COMT: variants seen among roughly 807,000 people sequenced by gnomAD.
COMT encodes catechol O-methyltransferase.
A neutral mutation model predicts 18.9 loss-of-function variants in COMT; 13 were observed. That is an observed-to-expected ratio of 0.69 (90% confidence interval 0.45 to 1.09). The LOEUF (loss-of-function observed/expected upper bound fraction) is 1.09. COMT is among the 50% of genes least tolerant of loss of function. The probability of loss-of-function intolerance (pLI) is 0.00; values close to 1 mark genes in which losing one functional copy is unlikely to be tolerated. For synonymous variants in COMT, 150 were observed against 160.9 expected (o/e 0.93, Z 0.51); for missense variants, 329 against 361.8 (o/e 0.91, Z 0.73).
At chr22:19,956,137 C>CTTTTTTTTTTTTTTTTTTT (rs71186638) in intron 1 of COMT, among the ~76,000 whole-genome samples, 11 of 84,822 alleles carry the variant, frequency 1.3e-4, no homozygotes, top group Admixed American at 1.8e-4. Flanking sequence ...TTCTTTTTTT[C>CTTTTTTTTTTTTTTTTTTT]TTTTTTTTTT....
Position 19,955,821 on chromosome 22 carries a change from C to T in COMT, c.-91-5378C>T, listed in dbSNP as rs191426199. On this transcript the variant is annotated intron_variant, in intron 1 of 5. Coordinates refer to ENST00000361682, the MANE Select transcript of COMT (RefSeq NM_000754.4). ...TGCCCCAAATGGCCAGTGGCCTTTC[C>T]GAGGGTCACTGCAGCCGCATGTTGG... is the stretch of plus-strand genomic sequence containing the variant. 1.8e-3 allele frequency among the ~76,000 whole-genome samples: 281 copies of T among 152,350 alleles called. 2 individuals carry two copies. Among genetic ancestry groups the T allele is most frequent in the Non-Finnish European group, 1.0e-3 (68 of 68,032 alleles).
At chr22:19,958,780 A>G (rs909929005) in intron 1 of COMT, among the ~76,000 whole-genome samples, 1 of 149,832 alleles carries the variant, frequency 6.7e-6, no homozygotes, top group African/African-American at 2.5e-5. Flanking sequence ...CGTCCCAGCT[A>G]CTTGGGGGGG....
intron 1 of COMT, among the ~76,000 whole-genome samples, chr22:19,957,235 C>CT (rs1180233141): frequency 7.9e-5 from 12 of 152,284 alleles, no homozygotes; most frequent in African/African-American, 2.9e-4. Context: ...CAGGCATGAG[C>CT]CACCGCGCCC....
Position 19,941,890 on chromosome 22 carries a change from C to A in COMT, c.-99C>A. 7.4e-7 allele frequency: 1 copy of A among 1,347,196 alleles called. No homozygotes were observed. The highest frequency in any genetic ancestry group is 9.6e-7 in the Non-Finnish European group (1 of 1,045,972). 83.5% of individuals were successfully genotyped at this position (1,347,196 alleles called of 1,614,324 possible). On this transcript the variant is annotated 5_prime_UTR_variant, in exon 1 of 6. Transcript: ENST00000361682. ...GGGTCCAGTCCCGGGCGGGCCGTCG[C>A]GGGAGAGGTGAGAGCGCTGGCTAGA...
Position 19,963,590 on chromosome 22 carries a change from AGGAGCACCAGCCCTCCGTGCTGCT to A in COMT, c.320_343del (p.His107_Glu114del). 6.2e-7 allele frequency: 1 copy of A among 1,612,776 alleles called. No homozygotes were observed. The highest frequency in any genetic ancestry group is 8.5e-7 in the Non-Finnish European group (1 of 1,180,006). On this transcript the variant is annotated inframe_deletion, in exon 4 of 6. Coordinates refer to ENST00000361682, the MANE Select transcript of COMT (RefSeq NM_000754.4). ...GGCAAGATCGTGGACGCCGTGATTC[AGGAGCACCAGCCCTCCGTGCTGCT>A]GGAGCTGGGGGCCTACTGTGGCTAC...
intron 2 of COMT, chr22:19,961,837 T>A (rs1052825722): frequency 6.5e-6 from 1 of 152,724 alleles, no homozygotes; most frequent in African/African-American, 2.4e-5. Context: ...TCAAACAGGT[T>A]TCAAGTGGGG....
intron 1 of COMT, among the ~76,000 whole-genome samples, chr22:19,947,515 C>T (rs950582521): frequency 6.6e-6 from 1 of 152,158 alleles, no homozygotes; most frequent in African/African-American, 2.4e-5. Context: ...GTCACGTGTC[C>T]ACTGGACGGG....
At chr22:19,944,552 C>T (rs919837918) in intron 1 of COMT, among the ~76,000 whole-genome samples, 17 of 146,992 alleles carry the variant, frequency 1.2e-4, no homozygotes, top group African/African-American at 4.1e-4. Context: ...AGGCCGGGAG[C>T]GGTGGCTCAC....
At chr22:19,950,261 T>TTG (rs1941907219) in intron 1 of COMT, among the ~76,000 whole-genome samples, 3 of 132,722 alleles carry the variant, frequency 2.3e-5, no homozygotes, top group Non-Finnish European at 3.3e-5. Context: ...TTTTTTTTTT[T>TTG]TTCTGTAGAG....
chr22:19,946,891 T>TA (rs1010232812), intron 1 of COMT, among the ~76,000 whole-genome samples: 42 of 149,148 alleles, frequency 2.8e-4, no homozygotes, highest in African/African-American at 1.0e-3. Context: ...TAAATAGCAT[T>TA]AAAAAAAATT....
At position 19,967,697 on chromosome 22, in the gene COMT, T is replaced by C. The variant is rs148667152; in HGVS notation, c.616-839T>C. 8.6e-3 allele frequency: 2,285 copies of C among 265,444 alleles called. 28 individuals carry two copies. The highest frequency in any genetic ancestry group is 0.015 in the South Asian group (409 of 27,246). The allele number at this position is 265,444 out of a possible 1,614,324, so 16.4% of individuals were successfully genotyped here. On this transcript the variant is annotated intron_variant, in intron 5 of 5. Transcript: ENST00000361682. ...TTTATTATACTTTAGATGTTTGAGA[T>C]TGCTTGTTAACTTTTGTTTGGTGAC...
At chr22:19,956,370 C>CTCT (rs1569129509) in intron 1 of COMT, among the ~76,000 whole-genome samples, 1 of 47,348 alleles carries the variant, frequency 2.1e-5, no homozygotes, top group Non-Finnish European at 3.9e-5. Context: ...CTTGAGCTCT[C>CTCT]TTTTTTTTTT....
At chr22:19,965,514 T>C (rs1014114092) in intron 5 of COMT, 5 of 152,148 alleles carry the variant, frequency 3.3e-5, no homozygotes, top group African/African-American at 1.2e-4. Context: ...GCTAGTTTTT[T>C]GTAGTTTAGT....
chr22:19,956,168 G>A (rs1379012356), intron 1 of COMT, among the ~76,000 whole-genome samples: 1 of 88,316 alleles, frequency 1.1e-5, no homozygotes, highest in East Asian at 3.8e-4. Context: ...TTTTTGAGAT[G>A]GAGTCTCGCT....
intron 1 of COMT, among the ~76,000 whole-genome samples, chr22:19,959,814 G>C (rs1279608750): frequency 1.2e-4 from 3 of 25,794 alleles, no homozygotes; most frequent in African/African-American, 1.8e-4. Flanking sequence ...CATGGCTCTT[G>C]GCCGTTGGGG....
At chr22:19,948,355 G>A (rs1303985315) in intron 1 of COMT, among the ~76,000 whole-genome samples, 1 of 152,128 alleles carries the variant, frequency 6.6e-6, no homozygotes, top group Admixed American at 6.6e-5. Context: ...GTCAGTCTGA[G>A]ATCAAGACAA....
intron 1 of COMT, among the ~76,000 whole-genome samples, chr22:19,952,563 CG>C (rs1318815115): frequency 6.6e-6 from 1 of 151,578 alleles, no homozygotes; most frequent in Non-Finnish European, 1.5e-5. Context: ...GCCATGAACC[CG>C]GGGGATGGAG....
At position 19,962,497 on chromosome 22, in the gene COMT, C is replaced by T. The variant is rs72563160; in HGVS notation, c.1-30C>T. On this transcript the variant is annotated intron_variant, in intron 2 of 5. Transcript: ENST00000361682. ...TGGGTGCTGCAGGAGGAGCACAGAG[C>T]ACTGGCGCCCCTCCCCTCCCGCCCT... 53 of 1,545,498 alleles carry T rather than the reference C, an allele frequency of 3.4e-5. No homozygotes were observed. The African/African-American group carries it at 6.8e-4, about 20-fold the overall frequency.
chr22:19,965,929 C>T (rs1157094989), intron 5 of COMT, among the ~76,000 whole-genome samples: 3 of 152,196 alleles, frequency 2.0e-5, no homozygotes, highest in East Asian at 1.9e-4. Flanking sequence ...AGAGAGCTGG[C>T]ACTCAGCCAG....
Sources: allele counts gnomAD v4.1 joint callset (sites outside exome capture counted in the v4.1 genomes callset), GRCh38; gene constraint gnomAD v4.1.1; transcripts MANE v1.5; gene names NCBI Gene and HGNC (gene_info 2026-07-23, HGNC 2026-07-21).